Variants in CENPK observed in about 807,000 individuals in gnomAD.
CENPK encodes SoxLZ/Sox6-binding protein Solt.
A neutral mutation model predicts 40.9 loss-of-function variants in CENPK; 46 were observed. The observed-to-expected ratio is 1.13, with a 90% CI of 0.89 to 1.44. The LOEUF is 1.44. Among genes scored for constraint, CENPK ranks in the 40% most tolerant of loss-of-function variants. CENPK has a pLI of 0.00. For missense variants in CENPK, 288 were observed against 303.5 expected (o/e 0.95, Z 0.38); for synonymous variants, 107 against 104.4 (o/e 1.02, Z -0.15).
At chr5:65,511,788 G>A in the CENPK span, among the ~76,000 whole-genome samples, 1 of 152,092 alleles carries the variant, frequency 6.6e-6, no homozygotes, top group Non-Finnish European at 1.5e-5. Context: ...GGTAGAACAG[G>A]TTCATCCCAA....
the CENPK span, among the ~76,000 whole-genome samples, chr5:65,501,171 TTTG>T: frequency 7.4e-6 from 1 of 134,304 alleles, no homozygotes; most frequent in Non-Finnish European, 1.5e-5. Flanking sequence ...AATTGCTAAG[TTTG>T]TTTTTTTTTT....
chr5:65,535,326 A>T (rs1380528446), intron 6 of CENPK, among the ~76,000 whole-genome samples: 1 of 152,198 alleles, frequency 6.6e-6, no homozygotes, highest in African/African-American at 2.4e-5. Flanking sequence ...GGACATTACT[A>T]AAGCCTGTCT....
chr5:65,497,500 C>T, the CENPK span, among the ~76,000 whole-genome samples: 11,264 of 152,200 alleles, frequency 0.074, 421 homozygotes, highest in East Asian at 0.096. Flanking sequence ...GAAAGAGCAA[C>T]AGAATGACAG....
At chr5:65,526,385 CA>C (rs1410671785) in intron 9 of CENPK, among the ~76,000 whole-genome samples, 1 of 152,130 alleles carries the variant, frequency 6.6e-6, no homozygotes, top group East Asian at 1.9e-4. Flanking sequence ...ATGGAAGACA[CA>C]GCCCATAACA....
rs1278922834 is a variant in CENPK at position 65,551,615 on chromosome 5, C to T, written c.190G>A (p.Val64Ile). 6.4e-7 allele frequency: 1 copy of T among 1,572,240 alleles called. No individual in the cohort carries two copies. The change falls in exon 5 of 11, where the codon GTA becomes ATA. Residue 64 changes from valine to isoleucine, a missense_variant. By Grantham distance (29) the Val-to-Ile change is conservative. Transcript: ENST00000396679. ...NAQLSLLIMQ[V>I]KCLTAELSQW... Reference sequence around the variant, plus strand: ...CTGAGTTCAGCGGTTAAACATTTTACTTGCATAATTAACAATGATAGCTAC... The same window carrying T: ...CTGAGTTCAGCGGTTAAACATTTTATTTGCATAATTAACAATGATAGCTAC...
At chr5:65,503,387 T>G in the CENPK span, among the ~76,000 whole-genome samples, 1 of 152,072 alleles carries the variant, frequency 6.6e-6, no homozygotes, top group Non-Finnish European at 1.5e-5. Flanking sequence ...TCTGCAGGCG[T>G]GAGCCATTAT....
intron 6 of CENPK, 41 bp downstream of exon 6, chr5:65,542,761 G>A (rs748785387): frequency 6.8e-7 from 1 of 1,479,152 alleles, no homozygotes; most frequent in Non-Finnish European, 9.3e-7. Flanking sequence ...GATCTAGTTA[G>A]AAATTATTTG....
intron 1 of CENPK, among the ~76,000 whole-genome samples, chr5:65,562,155 T>TATTATC (rs547738015): frequency 6.6e-6 from 1 of 152,076 alleles, no homozygotes; most frequent in African/African-American, 2.4e-5. Flanking sequence ...GCTACATTAT[T>TATTATC]ATTATCATTA....
At chr5:65,509,903 A>G in the CENPK span, among the ~76,000 whole-genome samples, 1 of 152,330 alleles carries the variant, frequency 6.6e-6, no homozygotes, top group East Asian at 1.9e-4. Flanking sequence ...GATCAGTGTA[A>G]TTGTTTGGAG....
chr5:65,522,651 A>C (rs1416786250), intron 9 of CENPK, among the ~76,000 whole-genome samples: 1 of 152,162 alleles, frequency 6.6e-6, no homozygotes, highest in African/African-American at 2.4e-5. Context: ...AGCTGGTCTC[A>C]AATTTTTGGC....
chr5:65,548,516 G>A (rs933268292), intron 5 of CENPK, among the ~76,000 whole-genome samples: 13 of 151,784 alleles, frequency 8.6e-5, no homozygotes, highest in Middle Eastern at 3.4e-3. Context: ...TTGACTCTTC[G>A]TTTCACAAAA....
At chr5:65,537,535 C>T (rs911980878) in intron 6 of CENPK, among the ~76,000 whole-genome samples, 6 of 152,112 alleles carry the variant, frequency 3.9e-5, no homozygotes, top group Non-Finnish European at 7.4e-5. Context: ...CTCCTGACCT[C>T]GTGATCTGCC....
chr5:65,509,061 A>G, the CENPK span, among the ~76,000 whole-genome samples: 1 of 152,200 alleles, frequency 6.6e-6, no homozygotes, highest in Non-Finnish European at 1.5e-5. Flanking sequence ...TTAAAACTCA[A>G]TAAGAGTACC....
At chr5:65,532,498 T>C (rs1746023691) in intron 6 of CENPK, among the ~76,000 whole-genome samples, 1 of 152,044 alleles carries the variant, frequency 6.6e-6, no homozygotes, top group South Asian at 2.1e-4. Context: ...AGCAAAAATC[T>C]CATAAAATTT....
At chr5:65,554,713 C>A (rs1373666520) in intron 3 of CENPK, 84 bp downstream of exon 3, 3 of 786,722 alleles carry the variant, frequency 3.8e-6, no homozygotes, top group East Asian at 2.5e-5. Flanking sequence ...GAAACTAGCA[C>A]AATCATTTCT....
the CENPK span, among the ~76,000 whole-genome samples, chr5:65,498,736 T>A: frequency 2.7e-5 from 4 of 150,474 alleles, no homozygotes; most frequent in African/African-American, 9.8e-5. Flanking sequence ...TGGCTCACAA[T>A]AACCTCAAAT....
At chr5:65,497,854 A>G in the CENPK span, among the ~76,000 whole-genome samples, 1 of 152,236 alleles carries the variant, frequency 6.6e-6, no homozygotes. Flanking sequence ...TGGGCAACTG[A>G]GCAAGACCCT....
chr5:65,524,372 G>A (rs374865421), intron 9 of CENPK, among the ~76,000 whole-genome samples: 27 of 149,680 alleles, frequency 1.8e-4, no homozygotes, highest in South Asian at 1.1e-3. Flanking sequence ...GCAACAAAGC[G>A]AGACTCCAAC....
rs539703682 is a variant in CENPK, at chr5:65,554,600, G to A, written c.111+197C>T. Among the ~76,000 whole-genome samples the A allele has an allele frequency of 9.7e-4, 148 of 152,182 alleles. 3 individuals are homozygous for A. In the South Asian group the frequency reaches 0.03, roughly 31 times the overall value. On this transcript the variant is annotated intron_variant, in intron 3 of 10. Transcript: ENST00000396679. ...TGTAATCTCCTTGGGAGCATGGATT[G>A]TCAAAATTTTTCTTTCTATAGCTCA...
Sources: allele counts gnomAD v4.1 joint callset (sites outside exome capture counted in the v4.1 genomes callset), GRCh38; gene constraint gnomAD v4.1.1; transcripts MANE v1.5; gene names NCBI Gene and HGNC (gene_info 2026-07-23, HGNC 2026-07-21).